The following SATB2 variants were observed in gnomAD, a reference collection of about 807,000 sequenced individuals.
SATB2 encodes the protein SATB homeobox 2, also known as DNA-binding protein SATB2.
In SATB2, 1 loss-of-function variant was observed where a neutral mutation model predicts 73.4. That is an observed-to-expected ratio of 0.01 (90% CI 0.00 to 0.06). SATB2 has a LOEUF of 0.06. Ranked by LOEUF, SATB2 falls within the 10% of genes least tolerant of loss-of-function variation. The pLI is 1.00. For synonymous variants in SATB2, 397 were observed against 367.0 expected, an observed-to-expected ratio of 1.08 and a Z score of -0.93; for missense variants, 459 against 945.8, an observed-to-expected ratio of 0.49 and a Z score of 6.75.
At chr2:199,469,220 G>A (rs146786243), upstream of SATB2, among the ~76,000 whole-genome samples, 2 of 152,256 alleles carry the variant, frequency 1.3e-5, no homozygotes, top group Non-Finnish European at 2.9e-5. Context: ...ACCGGAAAGG[G>A]TGCTGCCCCG....
chr2:199,388,525 A>AAAGC (rs1690026984), intron 3 of SATB2, among the ~76,000 whole-genome samples: 1 of 152,204 alleles, frequency 6.6e-6, no homozygotes, highest in African/African-American at 2.4e-5. Context: ...ACTGCACAAT[A>AAAGC]AAGCCTACAG....
intron 2 of SATB2, among the ~76,000 whole-genome samples, chr2:199,443,052 C>G (rs1297676336): frequency 3.6e-5 from 5 of 140,478 alleles, no homozygotes; most frequent in Non-Finnish European, 3.0e-5. Flanking sequence ...GACAGAGTCT[C>G]ACTCTGTCGA....
chr2:199,329,094 C>T lies in SATB2; in HGVS notation c.1174-184G>A, dbSNP rs1688116236. ...ATGTGCTTGCCTTCCGGGGGATATG[C>T]ATTATTTTAGGACTGTTCTATTCTG... On this transcript the variant is annotated intron_variant, in intron 7 of 10. Transcript: ENST00000417098. 4 of 656,152 alleles carry T rather than the reference C, an allele frequency of 6.1e-6. No homozygotes were observed. The African/African-American group carries it at 7.1e-5, about 12-fold the overall frequency. 40.6% of individuals were successfully genotyped at this position (656,152 alleles called of 1,614,324 possible).
chr2:199,275,598 G>T (rs1245681035), intron 10 of SATB2, among the ~76,000 whole-genome samples: 1 of 152,116 alleles, frequency 6.6e-6, no homozygotes, highest in Non-Finnish European at 1.5e-5. Context: ...GATAAAGAAG[G>T]TTTCCAGGGG....
At chr2:199,276,650 C>G (rs1692321197) in intron 10 of SATB2, among the ~76,000 whole-genome samples, 1 of 152,154 alleles carries the variant, frequency 6.6e-6, no homozygotes, top group Non-Finnish European at 1.5e-5. Flanking sequence ...GTCCTTTATG[C>G]AGTCAGATTA....
intron 10 of SATB2, among the ~76,000 whole-genome samples, chr2:199,279,062 A>G (rs1024693297): frequency 3.9e-5 from 6 of 152,216 alleles, no homozygotes; most frequent in Admixed American, 3.9e-4. Context: ...AAAGTCTAGT[A>G]AGTTTCTTAT....
At chr2:199,374,008 C>T (rs149898331) in intron 5 of SATB2, among the ~76,000 whole-genome samples, 4 of 152,212 alleles carry the variant, frequency 2.6e-5, no homozygotes, top group Non-Finnish European at 4.4e-5. Flanking sequence ...TTCTGCTGAC[C>T]CAATTGGCTG....
In SATB2 at chr2:199,328,705, G is replaced by T. The variant is rs1329250891; in HGVS notation, c.1379C>A (p.Thr460Asn). ...GGAAAGCAAGTTTCTCACCTGAGGG[G>T]TTCGGGAGGAGCTGGGACTGCTGGA... ...SASSSPSSSRTPQAKTSTPTT... is the reference protein window; with the variant it reads ...SASSSPSSSRNPQAKTSTPTT... The change falls in exon 8 of 11, where the codon ACC (threonine) becomes AAC (asparagine). Residue 460 changes from threonine (T) to asparagine (N), a missense_variant. By Grantham distance (65) the Thr-to-Asn change is moderately conservative. Around this residue, in one of 13 missense-constraint regions of SATB2, gnomAD observed 53 missense variants for 70.5 expected, o/e 0.75. Transcript: ENST00000417098. 7 of 1,612,548 alleles carry T rather than the reference G, an allele frequency of 4.3e-6. No homozygotes were observed. Among genetic ancestry groups the T allele is most frequent in the Non-Finnish European group, 5.9e-6 (7 of 1,179,690 alleles).
At chr2:199,370,545 C>T (rs914648434) in intron 5 of SATB2, among the ~76,000 whole-genome samples, 1 of 152,048 alleles carries the variant, frequency 6.6e-6, no homozygotes, top group Non-Finnish European at 1.5e-5. Flanking sequence ...TCTGTATTGC[C>T]AAATGGTCTA....
At chr2:199,374,615 G>A (rs1042940877) in intron 5 of SATB2, among the ~76,000 whole-genome samples, 3 of 152,316 alleles carry the variant, frequency 2.0e-5, no homozygotes, top group Non-Finnish European at 4.4e-5. Flanking sequence ...CAGAGAATAT[G>A]TTTAGGAGAT....
Position 199,455,991 on chromosome 2 carries a change from C to G in SATB2, c.47G>C (p.Arg16Pro). The G allele has an allele frequency of 6.5e-7, 1 of 1,540,526 alleles. No homozygotes were observed. Among genetic ancestry groups the G allele is most frequent in the African/African-American group, 1.4e-5 (1 of 73,134 alleles). The change falls in exon 2 of 11, where the codon CGG (arginine) becomes CCG (proline). Residue 16 changes from arginine (R) to proline (P), a missense_variant. Around this residue, in one of 13 missense-constraint regions of SATB2, gnomAD observed 74 missense variants for 113.3 expected, o/e 0.65. Coordinates refer to ENST00000417098, the MANE Select transcript of SATB2 (RefSeq NM_001172509.2). The surrounding 1 kb of genome is among the most constrained non-coding windows in gnomAD (Gnocchi z 4.1). The stretch of plus-strand genomic sequence containing the variant: ...CTTGACGTCCGGGCTGCCGCTCCGC[C>G]GGTCGGGGCTGTCCCGCAGACACGG... ...ESPCLRDSPD[R>P]RSGSPDVKGP...
chr2:199,345,690 TC>T, intron 7 of SATB2, among the ~76,000 whole-genome samples: 1 of 152,242 alleles, frequency 6.6e-6, no homozygotes, highest in Middle Eastern at 3.4e-3. Flanking sequence ...CTCTGCACCC[TC>T]CCCAGCAGCC....
At chr2:199,282,173 G>A (rs547125476) in intron 10 of SATB2, among the ~76,000 whole-genome samples, 9 of 152,224 alleles carry the variant, frequency 5.9e-5, no homozygotes, top group Admixed American at 2.6e-4. Context: ...AAACCACTGC[G>A]CCCGGCCCAT....
intron 2 of SATB2, among the ~76,000 whole-genome samples, chr2:199,453,966 TAATC>T (rs946706493): frequency 5.3e-5 from 8 of 152,232 alleles, no homozygotes; most frequent in African/African-American, 1.9e-4. Flanking sequence ...TAAATTAAGT[TAATC>T]AAGAGAAAGT....
rs1043250716 is a variant in SATB2 at position 199,323,913 on chromosome 2, C to T, written c.1432G>A (p.Gly478Ser). 6.8e-6 allele frequency: 11 copies of T among 1,613,336 alleles called. No homozygotes were observed. Among genetic ancestry groups the T allele is most frequent in the Middle Eastern group, 1.7e-4 (1 of 6,048 alleles). Residue 478 changes from glycine (G) to serine (S), a missense_variant, in exon 9 of 11, where the codon GGC becomes AGC. Physicochemically the swap from Gly to Ser is moderately conservative, Grantham distance 56. Coordinates refer to ENST00000417098, the MANE Select transcript of SATB2 (RefSeq NM_001172509.2). ...GCAGCTGTGATGTTGATGTTGGCGC[C>T]GTCCACCTTAATAGGGAGGTCTGTT... Reference protein sequence around the residue: ...PTTDLPIKVDGANINITAAIY... With the variant: ...PTTDLPIKVDSANINITAAIY...
At chr2:199,295,044 G>A (rs1692988115) in intron 10 of SATB2, among the ~76,000 whole-genome samples, 1 of 152,170 alleles carries the variant, frequency 6.6e-6, no homozygotes, top group Non-Finnish European at 1.5e-5. Context: ...GACTCATTAT[G>A]CTACAGATTC....
At chr2:199,292,307 G>A (rs1472954741) in intron 10 of SATB2, among the ~76,000 whole-genome samples, 1 of 152,174 alleles carries the variant, frequency 6.6e-6, no homozygotes, top group Non-Finnish European at 1.5e-5. Flanking sequence ...CAGCTTCCTG[G>A]TTATTATACT....
intron 3 of SATB2, among the ~76,000 whole-genome samples, chr2:199,424,674 G>A (rs1212891242): frequency 6.6e-6 from 1 of 152,070 alleles, no homozygotes; most frequent in East Asian, 1.9e-4. Context: ...GAAATTATAA[G>A]ATTCAGATGA....
At chr2:199,281,264 ATG>A (rs1176878975) in intron 10 of SATB2, among the ~76,000 whole-genome samples, 4 of 12,728 alleles carry the variant, frequency 3.1e-4, no homozygotes, top group Non-Finnish European at 1.9e-3. Flanking sequence ...GTATGTATGT[ATG>A]TGTGTGTGTG....
Sources: allele counts gnomAD v4.1 joint callset (sites outside exome capture counted in the v4.1 genomes callset), GRCh38; gene constraint gnomAD v4.1.1; regional missense constraint gnomAD v4.1.1; non-coding constraint Gnocchi (gnomAD v3.1); transcripts MANE v1.5; gene names NCBI Gene and HGNC (gene_info 2026-07-23, HGNC 2026-07-21).